Variants in IL1RAPL1 observed in about 807,000 individuals in gnomAD.
IL1RAPL1 encodes the protein interleukin 1 receptor accessory protein like 1.
IL1RAPL1 carries 3 observed loss-of-function variants against 48.4 expected under a neutral mutation model. That is an observed-to-expected ratio of 0.06 (90% CI 0.03 to 0.16). The LOEUF is 0.16. Among genes scored for constraint, IL1RAPL1 ranks in the 10% least tolerant of loss-of-function variants. IL1RAPL1 has a pLI of 1.00. For missense variants in IL1RAPL1, 349 were observed against 530.6 expected, an observed-to-expected ratio of 0.66 and a Z score of 3.36; for synonymous variants, 185 against 187.7, an observed-to-expected ratio of 0.99 and a Z score of 0.12.
At chrX:29,608,783 A>AGAG (rs1569126573) in intron 5 of IL1RAPL1, among the ~76,000 whole-genome samples, 26 of 107,017 alleles carry the variant, frequency 2.4e-4, no homozygotes, top group Admixed American at 1.1e-3. Context: ...CCGAGATCTC[A>AGAG]CCACTGCACT....
chrX:29,561,271 A>G (rs1393476988), intron 5 of IL1RAPL1, among the ~76,000 whole-genome samples: 1 of 112,159 alleles, frequency 8.9e-6, no homozygotes, highest in African/African-American at 3.2e-5. Flanking sequence ...GTGCTTGTGC[A>G]TGATTTGCAG....
intron 1 of IL1RAPL1, among the ~76,000 whole-genome samples, chrX:28,607,863 A>G (rs1444028476): frequency 2.7e-5 from 3 of 110,973 alleles, no homozygotes; most frequent in African/African-American, 9.8e-5. Flanking sequence ...AGCTATGTTC[A>G]CCACGCACAT....
intron 5 of IL1RAPL1, among the ~76,000 whole-genome samples, chrX:29,576,058 A>G (rs1218639875): frequency 1.8e-5 from 2 of 112,200 alleles, no homozygotes; most frequent in South Asian, 3.7e-4. Flanking sequence ...TACTCTCCAA[A>G]TATGCAACTT....
intron 3 of IL1RAPL1, among the ~76,000 whole-genome samples, chrX:29,390,293 G>A (rs1024002933): frequency 9.0e-6 from 1 of 110,871 alleles, no homozygotes; most frequent in African/African-American, 3.3e-5. Flanking sequence ...CTGCCACTCT[G>A]TGCTGGTTTT....
chrX:29,341,790 G>A (rs144294177), intron 3 of IL1RAPL1, among the ~76,000 whole-genome samples: 3,289 of 110,626 alleles, frequency 0.03, 47 homozygotes, highest in Non-Finnish European at 0.044. Flanking sequence ...CTGATGTACC[G>A]TGATTGCTTT....
chrX:28,932,013 G>C (rs1297285232), intron 2 of IL1RAPL1, among the ~76,000 whole-genome samples: 1 of 108,700 alleles, frequency 9.2e-6, no homozygotes, highest in African/African-American at 3.4e-5. Context: ...CTGCACTCCA[G>C]TCTGGGTGAC....
At chrX:28,627,472 G>A (rs1018609180) in intron 1 of IL1RAPL1, among the ~76,000 whole-genome samples, 2 of 111,804 alleles carry the variant, frequency 1.8e-5, no homozygotes, top group African/African-American at 3.2e-5. Flanking sequence ...ACAGCTTTAC[G>A]GAATCTGCCA....
intron 8 of IL1RAPL1, among the ~76,000 whole-genome samples, chrX:29,931,585 T>C (rs191744695): frequency 1.8e-4 from 20 of 112,547 alleles, no homozygotes; most frequent in African/African-American, 6.4e-4. Context: ...TTTATATGTG[T>C]GTACAATATT....
chrX:29,449,776 C>G (rs200417291), intron 5 of IL1RAPL1, among the ~76,000 whole-genome samples: 2,707 of 44,733 alleles, frequency 0.061, 48 homozygotes, highest in Non-Finnish European at 0.072. Flanking sequence ...CACACACACA[C>G]ACACAGAGAG....
chrX:29,206,706 T>A (rs1201073482), intron 2 of IL1RAPL1, among the ~76,000 whole-genome samples: 1 of 112,071 alleles, frequency 8.9e-6, no homozygotes, highest in Non-Finnish European at 1.9e-5. Flanking sequence ...AAGGAAACAG[T>A]AATATATACA....
intron 2 of IL1RAPL1, among the ~76,000 whole-genome samples, chrX:29,162,505 C>A (rs1383690994): frequency 9.1e-6 from 1 of 109,561 alleles, no homozygotes; most frequent in Non-Finnish European, 1.9e-5. Context: ...GAGCAAATAC[C>A]CCAATATGTG....
At chrX:28,931,506 C>G (rs1013592011) in intron 2 of IL1RAPL1, among the ~76,000 whole-genome samples, 11 of 111,629 alleles carry the variant, frequency 9.9e-5, no homozygotes, top group African/African-American at 3.6e-4. Context: ...TAAAGTATGA[C>G]TTTTAAGCAA....
intron 2 of IL1RAPL1, among the ~76,000 whole-genome samples, chrX:28,959,040 C>T (rs922017032): frequency 1.8e-5 from 2 of 110,648 alleles, no homozygotes; most frequent in African/African-American, 3.3e-5. Flanking sequence ...TATCAAGATA[C>T]GTGACGATCA....
intron 1 of IL1RAPL1, among the ~76,000 whole-genome samples, chrX:28,662,044 G>A (rs1934828345): frequency 9.0e-6 from 1 of 111,234 alleles, no homozygotes; most frequent in African/African-American, 3.3e-5. Context: ...AGGGTGGGAG[G>A]CGCCCTCTTC....
intron 1 of IL1RAPL1, among the ~76,000 whole-genome samples, chrX:28,698,595 T>TA (rs1386024110): frequency 9.0e-6 from 1 of 111,313 alleles, no homozygotes; most frequent in East Asian, 2.8e-4. Context: ...GAAGACAATT[T>TA]AAAAAAATAG....
At chrX:29,884,554 T>A (rs113220740) in intron 6 of IL1RAPL1, among the ~76,000 whole-genome samples, 1 of 110,960 alleles carries the variant, frequency 9.0e-6, no homozygotes, top group African/African-American at 3.3e-5. Flanking sequence ...TCTTCTCTAC[T>A]CTCCCTACTC....
intron 6 of IL1RAPL1, among the ~76,000 whole-genome samples, chrX:29,842,197 T>G (rs1323306844): frequency 8.9e-6 from 1 of 112,209 alleles, no homozygotes; most frequent in Non-Finnish European, 1.9e-5. Context: ...CTTTCTGATA[T>G]CTAAGTTTTC....
intron 6 of IL1RAPL1, among the ~76,000 whole-genome samples, chrX:29,902,537 T>C (rs1281556314): frequency 9.0e-6 from 1 of 110,995 alleles, no homozygotes; most frequent in African/African-American, 3.3e-5. Context: ...CAGCAGCTTA[T>C]TCCAAGTTCA....
intron 1 of IL1RAPL1, among the ~76,000 whole-genome samples, chrX:28,728,831 A>G (rs1332543690): frequency 9.0e-6 from 1 of 111,586 alleles, no homozygotes; most frequent in Non-Finnish European, 1.9e-5. Context: ...AAACTCATTT[A>G]AACCCTCTGG....
Sources: gnomAD v4.1 joint callset for allele counts (sites outside exome capture counted in the v4.1 genomes callset) on GRCh38, gnomAD v4.1.1 for gene constraint, MANE v1.5 for transcripts, NCBI Gene and HGNC (gene_info 2026-07-23, HGNC 2026-07-21) for gene names.